Variants in RP9 observed in about 807,000 individuals in gnomAD.
The protein encoded by RP9 is retinitis pigmentosa 9 protein.
RP9 carries 23 observed loss-of-function variants against 32.6 expected under a neutral mutation model. The ratio of observed to expected loss-of-function variants is 0.71; its 90% CI spans 0.51 to 1.00. The LOEUF (loss-of-function observed/expected upper bound fraction) is 1.00, where lower values mean the gene tolerates loss of function less well. RP9 is among the 50% of genes least tolerant of loss of function. The pLI, the probability that RP9 is intolerant of heterozygous loss-of-function variation, is 0.00. For missense variants in RP9, 245 were observed against 285.3 expected (o/e 0.86, Z 1.02); for synonymous variants, 94 against 103.6 (o/e 0.91, Z 0.56).
chr7:33,096,830 C>T (rs569705885), intron 4 of RP9, among the ~76,000 whole-genome samples: 3 of 105,814 alleles, frequency 2.8e-5, no homozygotes, highest in Admixed American at 1.6e-4. Context: ...ACACTGCCAC[C>T]TCAAAAACAA....
intron 1 of RP9, among the ~76,000 whole-genome samples, chr7:33,106,887 T>C (rs533581342): frequency 8.4e-4 from 127 of 151,220 alleles, no homozygotes; most frequent in African/African-American, 3.0e-3. Context: ...GAGGCTGCAG[T>C]GAGCCAAGAT....
intron 3 of RP9, 83 bp downstream of exon 3, chr7:33,099,224 A>C: frequency 6.5e-7 from 1 of 1,527,986 alleles, no homozygotes; most frequent in South Asian, 1.1e-5. Context: ...TGTGATGAGA[A>C]CAAGTTAAAT....
intron 1 of RP9, among the ~76,000 whole-genome samples, chr7:33,108,583 G>A (rs1466491964): frequency 2.0e-5 from 3 of 152,190 alleles, no homozygotes; most frequent in Admixed American, 6.5e-5. Flanking sequence ...TGTAGTAAAT[G>A]TATCTGTATC....
chr7:33,099,819 G>A (rs1472708161), intron 2 of RP9, among the ~76,000 whole-genome samples: 1 of 152,030 alleles, frequency 6.6e-6, no homozygotes, highest in African/African-American at 2.4e-5. Flanking sequence ...TGTTATGCTA[G>A]AATAGTTTAT....
rs1350408226 is a variant in RP9, at chr7:33,109,271, C to T, written c.102G>A (p.Arg34=). 2.0e-6 allele frequency: 3 copies of T among 1,493,188 alleles called. No individual in the cohort carries two copies. Among genetic ancestry groups the T allele is most frequent in the Non-Finnish European group, 2.7e-6 (3 of 1,125,434 alleles). 92.5% of individuals were successfully genotyped at this position (1,493,188 alleles called of 1,614,324 possible). ...GCAGCTGCTGCGCGTCGTGTCGCCG[C>T]CGCTTCTGCTCCCGACGTCGCTGCA... The part of the protein sequence containing the change: ...QELQRRREQK[R]RRHDAQQLQQ... The change falls in exon 1 of 6, where the codon CGG becomes CGA. Residue 34 remains arginine (R), a synonymous_variant. Transcript: ENST00000297157. The surrounding 1 kb of genome is among the most constrained non-coding windows in gnomAD (Gnocchi z 4.9).
chr7:33,100,892 A>G (rs1170504702), intron 1 of RP9: 3 of 466,756 alleles, frequency 6.4e-6, no homozygotes, highest in Non-Finnish European at 1.2e-5. Context: ...GTGTTTGTGC[A>G]CTCAAAGAGC....
Position 33,095,416 on chromosome 7 carries a change from G to A in RP9, c.484C>T (p.Gln162Ter). ...TCTGAGGTAGAATCCTCCAGTAACT[G>A]TTTTAACTGCTGTATCCTAAACATT... ...EKDVRIQQLK[Q>*]LLEDSTSDED... The change falls in exon 6 of 6, where the codon CAG (glutamine) becomes TAG (stop). Residue 162 changes from glutamine to a stop codon, truncating the protein, a stop_gained. Transcript: ENST00000297157. LOFTEE classifies it high-confidence loss of function. 1 of 1,613,812 alleles carries A rather than the reference G, an allele frequency of 6.2e-7. No individual in the cohort carries two copies. Among genetic ancestry groups the A allele is most frequent in the African/African-American group, 1.3e-5 (1 of 75,008 alleles).
intron 1 of RP9, among the ~76,000 whole-genome samples, chr7:33,101,094 T>C (rs1381613084): frequency 6.6e-6 from 1 of 151,726 alleles, no homozygotes; most frequent in East Asian, 1.9e-4. Context: ...CACCTCAGCC[T>C]CCTGAGTAGC....
chr7:33,107,968 T>C (rs1788522450), intron 1 of RP9, among the ~76,000 whole-genome samples: 1 of 152,204 alleles, frequency 6.6e-6, no homozygotes. Context: ...TTTGCCTTCT[T>C]TGAACAGGGT....
At chr7:33,101,444 A>G (rs1237007311) in intron 1 of RP9, among the ~76,000 whole-genome samples, 1 of 152,116 alleles carries the variant, frequency 6.6e-6, no homozygotes, top group Non-Finnish European at 1.5e-5. Flanking sequence ...TCTACTAAAA[A>G]TACAAAAATT....
chr7:33,096,303 A>G (rs1316522217), intron 5 of RP9, among the ~76,000 whole-genome samples, 190 bp downstream of exon 5: 4 of 152,214 alleles, frequency 2.6e-5, no homozygotes, highest in Non-Finnish European at 5.9e-5. Flanking sequence ...AAGTTAACCC[A>G]AGGAGGAGGA....
rs535954104 is a variant in RP9 at position 33,095,233 on chromosome 7, G to C, written c.*1C>G. 7 of 1,604,018 alleles carry C rather than the reference G, an allele frequency of 4.4e-6. No homozygotes were observed. In the South Asian group the frequency reaches 5.5e-5, roughly 13 times the overall value. ...AGAATGTTGAACAAGTCACATCCTT[G>C]TCACTCTGAGTCAGAACCCTCATTT... On this transcript the variant is annotated 3_prime_UTR_variant, in exon 6 of 6. Coordinates refer to ENST00000297157, the MANE Select transcript of RP9 (RefSeq NM_203288.2).
chr7:33,100,940 A>G (rs1788414471), intron 1 of RP9: 1 of 383,468 alleles, frequency 2.6e-6, no homozygotes, highest in African/African-American at 2.1e-5. Flanking sequence ...ACCTCCTCCC[A>G]AAAGAGTAAT....
At chr7:33,099,097 T>C (rs767372898) in intron 3 of RP9, 8 of 630,976 alleles carry the variant, frequency 1.3e-5, no homozygotes, top group African/African-American at 1.8e-5. Context: ...TGGTGAGAGC[T>C]TTCTTCCTGG....
At chr7:33,104,861 G>A (rs890107865) in intron 1 of RP9, among the ~76,000 whole-genome samples, 6 of 152,166 alleles carry the variant, frequency 3.9e-5, no homozygotes, top group African/African-American at 1.4e-4. Flanking sequence ...GATTACAGGT[G>A]TGAGCCAGCA....
chr7:33,100,200 G>A, intron 2 of RP9: 1 of 394,932 alleles, frequency 2.5e-6, no homozygotes, highest in South Asian at 2.2e-5. Flanking sequence ...GAAACCAGCA[G>A]AGGATGGACC....
intron 2 of RP9, among the ~76,000 whole-genome samples, chr7:33,099,641 A>AT (rs1788397274): frequency 6.6e-6 from 1 of 152,072 alleles, no homozygotes; most frequent in African/African-American, 2.4e-5. Context: ...ACCAAAAACA[A>AT]TGTAGCTGTT....
chr7:33,100,490 A>G (rs199720709), intron 2 of RP9, 41 bp downstream of exon 2: 2 of 1,520,192 alleles, frequency 1.3e-6, no homozygotes, highest in African/African-American at 1.4e-5. Flanking sequence ...GTCTACAAGT[A>G]TGTCTTGTGG....
At chr7:33,095,785 AAAAC>A (rs1788323808) in intron 5 of RP9, among the ~76,000 whole-genome samples, 1 of 152,164 alleles carries the variant, frequency 6.6e-6, no homozygotes, top group Admixed American at 6.5e-5. Context: ...CCAATTTGAA[AAAAC>A]AAACCCTCCA....
Sources: allele counts gnomAD v4.1 joint callset (sites outside exome capture counted in the v4.1 genomes callset), GRCh38; gene constraint gnomAD v4.1.1; non-coding constraint Gnocchi (gnomAD v3.1); transcripts MANE v1.5; gene names NCBI Gene and HGNC (gene_info 2026-07-23, HGNC 2026-07-21).